The following REPS2 variants were observed in gnomAD, a reference collection of about 807,000 sequenced individuals.
REPS2 encodes the protein RALBP1 associated Eps domain containing 2.
REPS2 carries 23 observed loss-of-function variants against 53.6 expected under a neutral mutation model. The observed-to-expected ratio is 0.43, with a 90% CI of 0.31 to 0.61. The LOEUF is 0.61. Among genes scored for constraint, REPS2 ranks in the 20% least tolerant of loss-of-function variants. The pLI is 0.11. For missense variants in REPS2, 446 were observed against 534.9 expected, an observed-to-expected ratio of 0.83 and a Z score of 1.64; for synonymous variants, 238 against 218.6, an observed-to-expected ratio of 1.09 and a Z score of -0.78.
At chrX:17,177,131 G>C in the REPS2 span, among the ~76,000 whole-genome samples, 1 of 112,083 alleles carries the variant, frequency 8.9e-6, no homozygotes, top group African/African-American at 3.2e-5. Context: ...GACTGAAAGT[G>C]TTCCCTTAGA....
chrX:17,165,996 C>T, the REPS2 span, among the ~76,000 whole-genome samples: 1 of 111,832 alleles, frequency 8.9e-6, no homozygotes, highest in East Asian at 2.8e-4. Context: ...TCTTCTAATG[C>T]TCTATTCCTA....
chrX:17,066,271 A>G (rs747689974), intron 9 of REPS2, among the ~76,000 whole-genome samples: 2 of 112,366 alleles, frequency 1.8e-5, no homozygotes, highest in South Asian at 3.7e-4. Flanking sequence ...TTGCATTTCC[A>G]TATGAAATTT....
At chrX:16,953,606 G>A (rs1034577143) in intron 1 of REPS2, among the ~76,000 whole-genome samples, 1 of 112,164 alleles carries the variant, frequency 8.9e-6, no homozygotes, top group East Asian at 2.8e-4. Flanking sequence ...AAGGAATATC[G>A]TATTCTGTGT....
chrX:17,180,789 T>C, the REPS2 span, among the ~76,000 whole-genome samples: 1 of 111,731 alleles, frequency 9.0e-6, no homozygotes, highest in Non-Finnish European at 1.9e-5. Flanking sequence ...ATGCTAATGA[T>C]GATGATTCAT....
intron 1 of REPS2, 89 bp downstream of exon 1, chrX:16,947,223 A>C (rs970101993): frequency 2.9e-5 from 27 of 919,832 alleles, no homozygotes; most frequent in Non-Finnish European, 3.6e-5. Flanking sequence ...GGCTGCCCCC[A>C]GGGACCCGGA....
At chrX:17,168,712 TG>T in the REPS2 span, among the ~76,000 whole-genome samples, 1 of 112,145 alleles carries the variant, frequency 8.9e-6, no homozygotes, top group Non-Finnish European at 1.9e-5. Context: ...CAGAAGCCAT[TG>T]TGGATTCAGA....
chrX:17,159,996 T>G, the REPS2 span, among the ~76,000 whole-genome samples: 1 of 112,357 alleles, frequency 8.9e-6, no homozygotes, highest in Non-Finnish European at 1.9e-5. Flanking sequence ...AAACTGAAAC[T>G]AGAATTATTA....
At chrX:17,068,313 CAA>C in intron 9 of REPS2, 87 bp from the exon 10 acceptor site, 37 of 575,712 alleles carry the variant, frequency 6.4e-5, no homozygotes, top group Admixed American at 1.2e-4. Flanking sequence ...GACTCTGTCT[CAA>C]AAAAAAAAAA....
At chrX:17,108,971 A>T (rs1302399133) in intron 14 of REPS2, among the ~76,000 whole-genome samples, 1 of 104,011 alleles carries the variant, frequency 9.6e-6, no homozygotes, top group Non-Finnish European at 2.0e-5. Flanking sequence ...TGCAGATTTA[A>T]AAAAAAAAAA....
rs189961778 is a variant in REPS2 at position 16,985,801 on chromosome X, C to T, written c.274-20420C>T. ...TTTTGGTTTTAAACACAGCTGTGTA[C>T]GGGGGTTCTTAGCATTATTAATAGA... On this transcript the variant is annotated intron_variant, in intron 1 of 17. Transcript: ENST00000357277. Among the ~76,000 whole-genome samples the T allele has an allele frequency of 5.4e-5, 6 of 111,415 alleles. No homozygotes were observed. In the East Asian group the frequency reaches 8.5e-4, roughly 16 times the overall value.
Position 17,089,593 on chromosome X carries a change from T to A in REPS2, c.1516+12186T>A, listed in dbSNP as rs748656367. ...AACCTATTTTGTGTTTCTGCAGATT[T>A]TCCTTTTCTGAATATTTCATATAAC... On this transcript the variant is annotated intron_variant, in intron 13 of 17. Transcript: ENST00000357277. Among the ~76,000 whole-genome samples, 4 of 112,038 alleles carry A rather than the reference T, an allele frequency of 3.6e-5. No homozygotes were observed. The East Asian group carries it at 1.1e-3, about 31-fold the overall frequency.
chrX:17,055,904 G>A (rs1229194083), intron 8 of REPS2, among the ~76,000 whole-genome samples: 2 of 101,099 alleles, frequency 2.0e-5, no homozygotes, highest in African/African-American at 3.6e-5. Context: ...CACGTTAGTG[G>A]GTGCAGCGCA....
the REPS2 span, among the ~76,000 whole-genome samples, chrX:17,165,998 C>G: frequency 2.7e-5 from 3 of 111,972 alleles, no homozygotes; most frequent in African/African-American, 9.7e-5. Flanking sequence ...TTCTAATGCT[C>G]TATTCCTAAA....
At position 16,969,045 on chromosome X, in the gene REPS2, C is replaced by G. The variant is rs766580861; in HGVS notation, c.273+21911C>G. Reference sequence around the variant, plus strand: ...CCAGGCAGAGGGTCTCCTCACTTCTCAGACGGGGCGGCTGGGCAGAGACGC... The same window carrying G: ...CCAGGCAGAGGGTCTCCTCACTTCTGAGACGGGGCGGCTGGGCAGAGACGC... On this transcript the variant is annotated intron_variant, in intron 1 of 17. Coordinates refer to ENST00000357277, the MANE Select transcript of REPS2 (RefSeq NM_004726.3). 3.0e-3 allele frequency among the ~76,000 whole-genome samples: 326 copies of G among 110,172 alleles called. 3 individuals carry two copies. Among genetic ancestry groups the G allele is most frequent in the Non-Finnish European group, 5.2e-3 (272 of 52,378 alleles).
chrX:17,157,315 C>CT (rs1350972026), downstream of REPS2, among the ~76,000 whole-genome samples: 1 of 111,570 alleles, frequency 9.0e-6, no homozygotes, highest in African/African-American at 3.3e-5. Flanking sequence ...AGTGTTCTTC[C>CT]TTTTGCTTTT....
At chrX:17,039,118 G>A (rs1462018499) in intron 5 of REPS2, among the ~76,000 whole-genome samples, 1 of 111,943 alleles carries the variant, frequency 8.9e-6, no homozygotes, top group Non-Finnish European at 1.9e-5. Flanking sequence ...GCAAGGACAG[G>A]GGTGGGAACG....
chrX:16,946,793 G>A lies in REPS2; in HGVS notation c.-69G>A. 1.3e-6 allele frequency: 1 copy of A among 761,378 alleles called. No individual in the cohort carries two copies. The highest frequency in any genetic ancestry group is 1.5e-6 in the Non-Finnish European group (1 of 647,084). 62.7% of individuals were successfully genotyped at this position (761,378 alleles called of 1,213,427 possible). A position where few individuals can be genotyped will look rare whatever the true frequency, so the allele number is the denominator to read the frequency against. ...CGGCGGCAGCTGAGGCCGAGGAGGC[G>A]GTGGCTGTGGCGGACGCAGCAGCAC... On this transcript the variant is annotated 5_prime_UTR_variant, in exon 1 of 18. Coordinates refer to ENST00000357277, the MANE Select transcript of REPS2 (RefSeq NM_004726.3).
intron 13 of REPS2, among the ~76,000 whole-genome samples, chrX:17,086,576 C>G (rs185817468): frequency 4.4e-4 from 49 of 112,482 alleles, no homozygotes; most frequent in African/African-American, 1.4e-3. Context: ...TTGGCTCTCA[C>G]AAGCTGGCAT....
At chrX:17,068,041 C>T (rs112944969) in intron 9 of REPS2, among the ~76,000 whole-genome samples, 6 of 111,847 alleles carry the variant, frequency 5.4e-5, no homozygotes, top group African/African-American at 1.6e-4. Flanking sequence ...CGGCTGGGCG[C>T]GGTGGCTCAC....
Sources: gnomAD v4.1 joint callset for allele counts (sites outside exome capture counted in the v4.1 genomes callset) on GRCh38, gnomAD v4.1.1 for gene constraint, MANE v1.5 for transcripts, NCBI Gene and HGNC (gene_info 2026-07-23, HGNC 2026-07-21) for gene names.